The following OBI1 variants were observed in gnomAD, a reference collection of about 807,000 sequenced individuals.
OBI1 encodes ORC ubiquitin ligase 1.
In OBI1, 59 loss-of-function variants were observed where a neutral mutation model predicts 62.4. The observed-to-expected ratio is 0.95, with a 90% CI of 0.77 to 1.17. OBI1 has a LOEUF of 1.17. OBI1 is among the 50% of genes most tolerant of loss of function. The pLI is 0.00. For missense variants in OBI1, 875 were observed against 830.9 expected (o/e 1.05, Z -0.65); for synonymous variants, 302 against 292.8 (o/e 1.03, Z -0.32).
chr13:78,648,500 G>C (rs538929756), intron 1 of OBI1, among the ~76,000 whole-genome samples: 1 of 151,460 alleles, frequency 6.6e-6, no homozygotes, highest in South Asian at 2.1e-4. Context: ...TATATGAGAG[G>C]ATTCAAGATG....
intron 3 of OBI1, among the ~76,000 whole-genome samples, chr13:78,640,018 AAAACAAAAC>A (rs1490277369): frequency 6.6e-6 from 1 of 152,168 alleles, no homozygotes; most frequent in African/African-American, 2.4e-5. Flanking sequence ...AAACAAAAAC[AAAACAAAAC>A]AAACAAACAA....
intron 5 of OBI1, 33 bp downstream of exon 5, chr13:78,635,077 T>C: frequency 7.7e-7 from 1 of 1,305,368 alleles, no homozygotes; most frequent in Non-Finnish European, 1.1e-6. Context: ...ATTGACATAA[T>C]CTGAAGCATT....
intron 5 of OBI1, among the ~76,000 whole-genome samples, chr13:78,627,093 C>T (rs1031887704): frequency 6.6e-6 from 1 of 151,922 alleles, no homozygotes. Context: ...TTACAACAGG[C>T]TAGGCAAGAA....
chr13:78,616,570 G>A lies in OBI1; in HGVS notation c.1191C>T (p.Cys397=). The A allele has an allele frequency of 6.2e-7, 1 of 1,614,042 alleles. No individual in the cohort carries two copies. The highest frequency in any genetic ancestry group is 8.5e-7 in the Non-Finnish European group (1 of 1,180,014). Residue 397 remains cysteine (C), a synonymous_variant, in exon 6 of 6, where the codon TGC becomes TGT. Coordinates refer to ENST00000282003, the MANE Select transcript of OBI1 (RefSeq NM_024546.4). ...TATTTTCTGGAGTACTGAGCTGAAG[G>A]CAACTAAGGGACAAAGGAGTACAAG... is the stretch of plus-strand genomic sequence containing the variant. The part of the protein sequence containing the change: ...PAPCTPLSLS[C]LQLSTPENRE...
chr13:78,617,264 ATGT>A, intron 5 of OBI1, 142 bp from the exon 6 acceptor site: 1 of 547,198 alleles, frequency 1.8e-6, no homozygotes, highest in Non-Finnish European at 3.0e-6. Flanking sequence ...CAAATGCCAG[ATGT>A]ATATTTTCAA....
At chr13:78,618,152 A>T (rs552661813) in intron 5 of OBI1, among the ~76,000 whole-genome samples, 39 of 152,268 alleles carry the variant, frequency 2.6e-4, no homozygotes, top group Middle Eastern at 6.8e-3. Flanking sequence ...TGAGCCAATA[A>T]ATAACATAAT....
At position 78,615,766 on chromosome 13, in the gene OBI1, A is replaced by G; in HGVS notation, c.1995T>C (p.Asp665=). 1 of 1,613,906 alleles carries G rather than the reference A, an allele frequency of 6.2e-7. No individual in the cohort carries two copies. Among genetic ancestry groups the G allele is most frequent in the Non-Finnish European group, 8.5e-7 (1 of 1,179,964 alleles). Residue 665 remains aspartate, a synonymous_variant, in exon 6 of 6, where the codon GAT becomes GAC. Transcript: ENST00000282003. ...TAAACAAAGATGACCCAAATCTTTGATCTTCAAATAGTCGATGTGAACTGC... is the reference window on the plus strand; with the variant it reads ...TAAACAAAGATGACCCAAATCTTTGGTCTTCAAATAGTCGATGTGAACTGC... ...LLSSSHRLFE[D]QRFGSSLFKM...
At chr13:78,655,722 C>G (rs756992040) in intron 1 of OBI1, among the ~76,000 whole-genome samples, 11 of 152,164 alleles carry the variant, frequency 7.2e-5, no homozygotes, top group Non-Finnish European at 1.3e-4. Flanking sequence ...AGAGAAGATG[C>G]TGACTGTGAG....
At position 78,616,183 on chromosome 13, in the gene OBI1, A is replaced by C. The variant is rs934223888; in HGVS notation, c.1578T>G (p.Ser526Arg). 1 of 1,613,906 alleles carries C rather than the reference A, an allele frequency of 6.2e-7. No individual in the cohort carries two copies. The highest frequency in any genetic ancestry group is 1.1e-5 in the South Asian group (1 of 91,076). The change falls in exon 6 of 6, where the codon AGT becomes AGG. Residue 526 changes from serine (S) to arginine (R), a missense_variant. Ser to Arg is a moderately radical substitution (Grantham distance 110). Coordinates refer to ENST00000282003, the MANE Select transcript of OBI1 (RefSeq NM_024546.4). Reference sequence around the variant, plus strand: ...GGTAAGCAGCATCCATCGATGCTTCACTGGATGTTCTTGTCCGGTTCATTT... The same window carrying C: ...GGTAAGCAGCATCCATCGATGCTTCCCTGGATGTTCTTGTCCGGTTCATTT... Reference protein sequence around the residue: ...SFEMNRTRTSSEASMDAAYLD... With the variant: ...SFEMNRTRTSREASMDAAYLD...
chr13:78,621,514 C>A (rs1875512794), intron 5 of OBI1, among the ~76,000 whole-genome samples: 1 of 152,028 alleles, frequency 6.6e-6, no homozygotes, highest in African/African-American at 2.4e-5. Flanking sequence ...TGACATTTCA[C>A]AAAAACAGTT....
intron 5 of OBI1, among the ~76,000 whole-genome samples, chr13:78,634,074 A>G (rs1469955509): frequency 2.9e-5 from 4 of 137,034 alleles, no homozygotes; most frequent in African/African-American, 1.1e-4. Context: ...TCTCAAAAAC[A>G]AAAAACAAAA....
chr13:78,619,329 ATT>A (rs10710481), intron 5 of OBI1, among the ~76,000 whole-genome samples: 18 of 148,508 alleles, frequency 1.2e-4, no homozygotes, highest in African/African-American at 4.4e-4. Context: ...CTCTCTATAT[ATT>A]TTTTTTTTTT....
chr13:78,648,043 G>A (rs1876435730), intron 1 of OBI1, among the ~76,000 whole-genome samples: 1 of 151,826 alleles, frequency 6.6e-6, no homozygotes, highest in Non-Finnish European at 1.5e-5. Flanking sequence ...CCTACCAGCA[G>A]CCAGGAGTGA....
At chr13:78,655,069 G>C (rs960901566) in intron 1 of OBI1, among the ~76,000 whole-genome samples, 2 of 152,162 alleles carry the variant, frequency 1.3e-5, no homozygotes, top group Non-Finnish European at 2.9e-5. Context: ...CATTTCTCTT[G>C]AGAATCTCCT....
chr13:78,627,032 C>A (rs559106755), intron 5 of OBI1, among the ~76,000 whole-genome samples: 1 of 152,146 alleles, frequency 6.6e-6, no homozygotes, highest in African/African-American at 2.4e-5. Flanking sequence ...TGCCACTGCA[C>A]TCCAGCCTGG....
At position 78,616,537 on chromosome 13, in the gene OBI1, G is replaced by A. The variant is rs1029811014; in HGVS notation, c.1224C>T (p.Ser408=). Residue 408 remains serine (S), a synonymous_variant, in exon 6 of 6, where the codon AGC becomes AGT. Coordinates refer to ENST00000282003, the MANE Select transcript of OBI1 (RefSeq NM_024546.4). ...LQLSTPENRE[S]SVVQAGGSKK... Reference sequence around the variant, plus strand: ...TGGAACCTCCTGCTTGGACCACAGAGCTCTCTCTATTTTCTGGAGTACTGA... The same window carrying A: ...TGGAACCTCCTGCTTGGACCACAGAACTCTCTCTATTTTCTGGAGTACTGA... 1 of 1,614,076 alleles carries A rather than the reference G, an allele frequency of 6.2e-7. No individual in the cohort carries two copies. Among genetic ancestry groups the A allele is most frequent in the South Asian group, 1.1e-5 (1 of 91,062 alleles).
Position 78,659,142 on chromosome 13 carries a change from A to C in OBI1, c.-22T>G, listed in dbSNP as rs368537564. On this transcript the variant is annotated 5_prime_UTR_variant, in exon 1 of 6. Transcript: ENST00000282003. ...CCATGGCAGCGTTCAGAATCCCGCC[A>C]ACACGGAAGTCCCGCCGACCTACCG... The C allele has an allele frequency of 6.6e-4, 1,066 of 1,607,198 alleles. No homozygotes were observed. Among genetic ancestry groups the C allele is most frequent in the Non-Finnish European group, 8.6e-4 (1,015 of 1,176,592 alleles).
rs1366287066 is a variant in OBI1 at position 78,617,101 on chromosome 13, A to AGC, written c.658_659dup (p.Ala221LeufsTer7). The AGC allele has an allele frequency of 6.4e-7, 1 of 1,562,620 alleles. No individual in the cohort carries two copies. Among genetic ancestry groups the AGC allele is most frequent in the Non-Finnish European group, 8.6e-7 (1 of 1,157,604 alleles). Reference sequence around the variant, plus strand: ...ACTGTTCTACTTTGGACTGAAGAGCAGCAACTGCAAACCTTCCAAACCTAC... The same window carrying AGC: ...ACTGTTCTACTTTGGACTGAAGAGCAGCGCAACTGCAAACCTTCCAAACCTAC... On this transcript the variant is annotated frameshift_variant, in exon 6 of 6. Transcript: ENST00000282003. LOFTEE classifies it high-confidence loss of function.
At chr13:78,653,107 T>C (rs1250385717) in intron 1 of OBI1, among the ~76,000 whole-genome samples, 1 of 152,202 alleles carries the variant, frequency 6.6e-6, no homozygotes, top group East Asian at 1.9e-4. Flanking sequence ...CCTAAGGCTG[T>C]TGTTCATTAA....
Sources: allele counts gnomAD v4.1 joint callset (sites outside exome capture counted in the v4.1 genomes callset), GRCh38; gene constraint gnomAD v4.1.1; transcripts MANE v1.5; gene names NCBI Gene and HGNC (gene_info 2026-07-23, HGNC 2026-07-21).